BANP: variants seen among roughly 807,000 people sequenced by gnomAD.
The protein encoded by BANP is BTG3 associated nuclear protein.
A neutral mutation model predicts 68.1 loss-of-function variants in BANP; 11 were observed. The ratio of observed to expected loss-of-function variants is 0.16; its 90% CI spans 0.10 to 0.27. BANP has a LOEUF of 0.27. BANP is among the 10% of genes least tolerant of loss of function. BANP has a pLI of 1.00. For synonymous variants in BANP, 329 were observed against 303.2 expected (o/e 1.09, Z -0.88); for missense variants, 504 against 722.7 (o/e 0.70, Z 3.47).
Position 87,989,600 on chromosome 16 carries a change from G to C in BANP, c.362+5341G>C, listed in dbSNP as rs559352394. On this transcript the variant is annotated intron_variant, in intron 4 of 13. Coordinates refer to ENST00000682872, the MANE Select transcript of BANP (RefSeq NM_001386991.1). ...ACAGGACACAGGGCGGGTGACGGGG[G>C]ATGCAGGCCCGCGTGGCTGCGCGCA... 2.4e-4 allele frequency among the ~76,000 whole-genome samples: 35 copies of C among 145,694 alleles called. No homozygotes were observed. In the South Asian group the frequency reaches 7.2e-3, roughly 30 times the overall value.
intron 1 of BANP, among the ~76,000 whole-genome samples, chr16:87,970,547 AT>A (rs1229996379): frequency 1.3e-5 from 2 of 152,112 alleles, no homozygotes; most frequent in Non-Finnish European, 2.9e-5. Flanking sequence ...TAAATGCTTG[AT>A]TTTTTCTTTT....
intron 1 of BANP, among the ~76,000 whole-genome samples, chr16:87,973,424 C>T (rs1398691211): frequency 6.6e-6 from 1 of 152,146 alleles, no homozygotes; most frequent in East Asian, 1.9e-4. Context: ...AGATTTAAGA[C>T]AGCACTTGGC....
chr16:87,977,811 G>T (rs552751814), intron 2 of BANP, among the ~76,000 whole-genome samples: 1 of 151,274 alleles, frequency 6.6e-6, no homozygotes, highest in Non-Finnish European at 1.5e-5. Flanking sequence ...ACTTGCATCA[G>T]GCCTGTCACT....
intron 8 of BANP, among the ~76,000 whole-genome samples, chr16:88,032,614 A>C (rs1332528084): frequency 6.6e-6 from 1 of 152,244 alleles, no homozygotes; most frequent in Non-Finnish European, 1.5e-5. Flanking sequence ...ATATTCTGAG[A>C]GTTTAAGAAA....
intron 1 of BANP, among the ~76,000 whole-genome samples, chr16:87,959,262 CTCA>C (rs2058667077): frequency 1.3e-5 from 2 of 152,334 alleles, no homozygotes; most frequent in South Asian, 4.1e-4. Flanking sequence ...ATGTAATTTT[CTCA>C]TCATGAAATA....
chr16:88,016,840 G>A (rs1376559646), intron 6 of BANP, among the ~76,000 whole-genome samples: 1 of 152,196 alleles, frequency 6.6e-6, no homozygotes, highest in Non-Finnish European at 1.5e-5. Flanking sequence ...CCACCTCTGA[G>A]CATCGATGCT....
At chr16:87,987,712 CAA>C (rs66648819) in intron 4 of BANP, among the ~76,000 whole-genome samples, 62 of 30,362 alleles carry the variant, frequency 2.0e-3, no homozygotes, top group South Asian at 5.2e-3. Flanking sequence ...GACCCTAACT[CAA>C]AAAAAAAAAA....
chr16:88,062,495 A>T (rs532541574), intron 11 of BANP, among the ~76,000 whole-genome samples: 1 of 152,202 alleles, frequency 6.6e-6, no homozygotes, highest in Non-Finnish European at 1.5e-5. Flanking sequence ...CTCTGTTTCA[A>T]AAATGTTCAG....
intron 10 of BANP, 134 bp downstream of exon 10, chr16:88,035,528 C>T (rs770947479): frequency 6.1e-5 from 48 of 790,014 alleles, no homozygotes; most frequent in Middle Eastern, 7.6e-4. Flanking sequence ...TGCAGGACTC[C>T]GCTTCCAGGG....
At chr16:88,049,627 CAA>C (rs1567871180) in intron 11 of BANP, among the ~76,000 whole-genome samples, 2 of 152,196 alleles carry the variant, frequency 1.3e-5, no homozygotes, top group Non-Finnish European at 2.9e-5. Flanking sequence ...GGCATCATAA[CAA>C]GAGACGAACC....
intron 11 of BANP, among the ~76,000 whole-genome samples, chr16:88,040,262 T>TG (rs1289063949): frequency 2.6e-5 from 4 of 151,784 alleles, no homozygotes; most frequent in Non-Finnish European, 5.9e-5. Flanking sequence ...ATCCTTTTTT[T>TG]TTTTTTTTTC....
chr16:87,997,549 C>G (rs1199309664), intron 4 of BANP, among the ~76,000 whole-genome samples: 2 of 152,078 alleles, frequency 1.3e-5, no homozygotes, highest in African/African-American at 4.8e-5. Flanking sequence ...GTGAAATAGC[C>G]AGGATGGCTG....
chr16:87,997,931 C>G (rs949685735), intron 4 of BANP, among the ~76,000 whole-genome samples: 1 of 152,228 alleles, frequency 6.6e-6, no homozygotes, highest in Non-Finnish European at 1.5e-5. Context: ...TAGTTTAGCA[C>G]TTCCTGGTGG....
chr16:87,960,310 G>C (rs1278667856), intron 1 of BANP, among the ~76,000 whole-genome samples: 1 of 152,192 alleles, frequency 6.6e-6, no homozygotes, highest in African/African-American at 2.4e-5. Context: ...TCTGGACCCA[G>C]ATGGCTTGCT....
chr16:88,031,169 G>T (rs1205296545), intron 8 of BANP, among the ~76,000 whole-genome samples: 1 of 152,232 alleles, frequency 6.6e-6, no homozygotes, highest in Non-Finnish European at 1.5e-5. Context: ...GCCTGGCGGT[G>T]GTTGCTTTGG....
chr16:88,018,417 C>T lies in BANP; in HGVS notation c.656-11C>T. On this transcript the variant is annotated splice_polypyrimidine_tract_variant and intron_variant, in intron 6 of 13. Coordinates refer to ENST00000682872, the MANE Select transcript of BANP (RefSeq NM_001386991.1). The surrounding 1 kb of genome is among the most constrained non-coding windows in gnomAD (Gnocchi z 7.7). ...CCTTGGCCATCTGAGGACCTGTCTTCTGTTTTTCAGAGGACTACCCCAATG... is the reference window on the plus strand; with the variant it reads ...CCTTGGCCATCTGAGGACCTGTCTTTTGTTTTTCAGAGGACTACCCCAATG... 1.9e-6 allele frequency: 3 copies of T among 1,607,116 alleles called. No homozygotes were observed. Among genetic ancestry groups the T allele is most frequent in the African/African-American group, 2.7e-5 (2 of 74,906 alleles).
chr16:88,019,863 G>T (rs2075650296), intron 7 of BANP, among the ~76,000 whole-genome samples: 1 of 152,158 alleles, frequency 6.6e-6, no homozygotes, highest in Admixed American at 6.5e-5. Context: ...TGTGAAAATG[G>T]GGTCTGAGTA....
chr16:88,051,470 G>A (rs1265652029), intron 11 of BANP, among the ~76,000 whole-genome samples: 2 of 152,246 alleles, frequency 1.3e-5, no homozygotes, highest in Non-Finnish European at 2.9e-5. Context: ...TTCGGGCTCA[G>A]CCTCGGTGCC....
chr16:88,006,314 G>A (rs771568895), intron 6 of BANP, 49 bp downstream of exon 6: 13 of 1,527,092 alleles, frequency 8.5e-6, no homozygotes, highest in Non-Finnish European at 1.1e-5. Context: ...ACAATTGTTT[G>A]TTTGTTTTGC....
Sources: allele counts gnomAD v4.1 joint callset (sites outside exome capture counted in the v4.1 genomes callset), GRCh38; gene constraint gnomAD v4.1.1; non-coding constraint Gnocchi (gnomAD v3.1); transcripts MANE v1.5; gene names NCBI Gene and HGNC (gene_info 2026-07-23, HGNC 2026-07-21).